PHRF1: variants seen among roughly 807,000 people sequenced by gnomAD.
The protein encoded by PHRF1 is PHD and ring finger domains 1.
Under a neutral mutation model 128.9 loss-of-function variants are expected in PHRF1, and 53 were observed. That is an observed-to-expected ratio of 0.41 (90% CI 0.33 to 0.52). The LOEUF (loss-of-function observed/expected upper bound fraction) is 0.52. Among genes scored for constraint, PHRF1 ranks in the 20% least tolerant of loss-of-function variants. PHRF1 has a pLI of 0.21. For missense variants in PHRF1, 2,503 were observed against 2,284.5 expected (o/e 1.10, Z -1.95); for synonymous variants, 1,178 against 980.6 (o/e 1.20, Z -3.76).
At chr11:588,081 A>G (rs1333197956) in intron 4 of PHRF1, among the ~76,000 whole-genome samples, 2 of 152,112 alleles carry the variant, frequency 1.3e-5, no homozygotes, top group African/African-American at 2.4e-5. Flanking sequence ...CAGCTCCGAC[A>G]CCACTACCTC....
At position 609,146 on chromosome 11, in the gene PHRF1, G is replaced by A. The variant is rs1035163484; in HGVS notation, c.3690G>A (p.Pro1230=). 25 of 1,606,262 alleles carry A rather than the reference G, an allele frequency of 1.6e-5. No individual in the cohort carries two copies. The highest frequency in any genetic ancestry group is 1.2e-4 in the African/African-American group (9 of 74,918). ...LPALGEAHVS[P]EVATADKAPL... is the part of the protein sequence containing the mutation. Reference sequence around the variant, plus strand: ...CCTTGGGGGAAGCACATGTCTCGCCGGAGGTGGCTACGGCCGACAAGGCCC... The same window carrying A: ...CCTTGGGGGAAGCACATGTCTCGCCAGAGGTGGCTACGGCCGACAAGGCCC... The change falls in exon 14 of 18, where the codon CCG becomes CCA. Residue 1230 remains proline (P), a synonymous_variant. Coordinates refer to ENST00000264555, the MANE Select transcript of PHRF1 (RefSeq NM_001286581.2).
rs578018380 is a variant in PHRF1 at position 609,506 on chromosome 11, C to T, written c.4050C>T (p.Asp1350=). Residue 1350 remains aspartate (D), a synonymous_variant, in exon 14 of 18, where the codon GAC becomes GAT. Transcript: ENST00000264555. ...AGGAGCCACATTTGCTCAGGCCGGA[C>T]GCGGCTGAGAAGGCTGAGGCACCCA... ...GTQEPHLLRP[D]AAEKAEAPSS... 107 of 1,603,210 alleles carry T rather than the reference C, an allele frequency of 6.7e-5. 1 individual carries two copies. The highest frequency in any genetic ancestry group is 3.3e-4 in the Middle Eastern group (2 of 6,056).
intron 12 of PHRF1, 61 bp downstream of exon 12, chr11:605,785 T>C: frequency 6.5e-7 from 1 of 1,539,564 alleles, no homozygotes; most frequent in Non-Finnish European, 8.7e-7. Context: ...GGATGGGAGT[T>C]CTAGGGTGGG....
At chr11:585,520 T>A (rs61877834) in intron 3 of PHRF1, among the ~76,000 whole-genome samples, 1,226 of 118,158 alleles carry the variant, frequency 0.01, no homozygotes, top group African/African-American at 0.023. Context: ...TCTTTCCAGC[T>A]TGAGGTAGTA....
intron 2 of PHRF1, 97 bp from the exon 3 acceptor site, chr11:581,865 G>A: frequency 6.9e-7 from 1 of 1,449,228 alleles, no homozygotes; most frequent in Non-Finnish European, 9.1e-7. Flanking sequence ...CCGTTTGGCA[G>A]GTGCTCCTGA....
chr11:601,762 G>C, intron 10 of PHRF1, 61 bp downstream of exon 10: 1 of 1,603,698 alleles, frequency 6.2e-7, no homozygotes, highest in Non-Finnish European at 8.5e-7. Flanking sequence ...GCGTGGTTAC[G>C]GAGCAGGGCC....
In PHRF1 at chr11:581,933, T is replaced by C. The variant is rs771475320; in HGVS notation, c.95-29T>C. Reference sequence around the variant, plus strand: ...CTGCTGCATGGTCTTGACGCCGCCCTGCGGCCTGTGTCTCACCCTGGTGTC... The same window carrying C: ...CTGCTGCATGGTCTTGACGCCGCCCCGCGGCCTGTGTCTCACCCTGGTGTC... On this transcript the variant is annotated intron_variant, in intron 2 of 17. Transcript: ENST00000264555. 48 of 1,560,704 alleles carry C rather than the reference T, an allele frequency of 3.1e-5. No individual in the cohort carries two copies. The Admixed American group carries it at 6.4e-4, about 21-fold the overall frequency.
Position 609,607 on chromosome 11 carries a change from C to T in PHRF1, c.4151C>T (p.Pro1384Leu), listed in dbSNP as rs1856225856. 4 of 1,590,814 alleles carry T rather than the reference C, an allele frequency of 2.5e-6. No homozygotes were observed. Among genetic ancestry groups the T allele is most frequent in the South Asian group, 1.1e-5 (1 of 87,748 alleles). Reference sequence around the variant, plus strand: ...GGGAGGGTACAGGAGGCAGCCCGGCCTGAGGAGGTGGTTTCGCAGACCCCC... The same window carrying T: ...GGGAGGGTACAGGAGGCAGCCCGGCTTGAGGAGGTGGTTTCGCAGACCCCC... ...ASGRVQEAAR[P>L]EEVVSQTPLL... is the part of the protein sequence containing the mutation. Residue 1384 changes from proline to leucine, a missense_variant, in exon 14 of 18, where the codon CCT (proline) becomes CTT (leucine). By Grantham distance (98) the Pro-to-Leu change is moderately conservative. Coordinates refer to ENST00000264555, the MANE Select transcript of PHRF1 (RefSeq NM_001286581.2).
intron 10 of PHRF1, among the ~76,000 whole-genome samples, chr11:603,127 T>G (rs1335038074): frequency 6.6e-6 from 1 of 152,080 alleles, no homozygotes; most frequent in Non-Finnish European, 1.5e-5. Flanking sequence ...CAATCCCAGC[T>G]CACTGCAGCC....
intron 17 of PHRF1, 131 bp from the exon 18 acceptor site, chr11:611,503 G>A (rs7941547): frequency 0.27 from 357,284 of 1,322,826 alleles, 52,915 homozygotes; most frequent in African/African-American, 0.52. Flanking sequence ...CTCTGCCGCC[G>A]TCTGTCTGCG....
Position 610,778 on chromosome 11 carries a change from C to T in PHRF1, c.4677+17C>T, listed in dbSNP as rs772137419. On this transcript the variant is annotated intron_variant, in intron 16 of 17. Coordinates refer to ENST00000264555, the MANE Select transcript of PHRF1 (RefSeq NM_001286581.2). Reference sequence around the variant, plus strand: ...AAGGAGGAGGTGAGTCCTGCCTCCTCCCACTTTCCCCATGTTCCCATCTTA... The same window carrying T: ...AAGGAGGAGGTGAGTCCTGCCTCCTTCCACTTTCCCCATGTTCCCATCTTA... The T allele has an allele frequency of 1.3e-6, 2 of 1,596,814 alleles. No homozygotes were observed. The highest frequency in any genetic ancestry group is 1.7e-6 in the Non-Finnish European group (2 of 1,176,056).
chr11:581,940 T>C (rs759262491), intron 2 of PHRF1, 22 bp from the exon 3 acceptor site: 5 of 1,570,958 alleles, frequency 3.2e-6, no homozygotes, highest in South Asian at 1.2e-5. Context: ...CCCTGCGGCC[T>C]GTGTCTCACC....
rs1426334336 is a variant in PHRF1 at position 597,397 on chromosome 11, G to T, written c.721G>T (p.Ala241Ser). 1.2e-6 allele frequency: 2 copies of T among 1,611,586 alleles called. No homozygotes were observed. Among genetic ancestry groups the T allele is most frequent in the Admixed American group, 3.3e-5 (2 of 59,862 alleles). Residue 241 changes from alanine to serine, a missense_variant and splice_region_variant, in exon 8 of 18, where the codon GCG becomes TCG. Transcript: ENST00000264555. This position sits in a 1 kb window ranked among gnomAD's most constrained non-coding sequence, Gnocchi z 6.5. ...TCAGCCCTGGTGGTTCTTCCCAGATGCGGGTCCCGTGAGTGAGGAGGAGGT... is the reference window on the plus strand; with the variant it reads ...TCAGCCCTGGTGGTTCTTCCCAGATTCGGGTCCCGTGAGTGAGGAGGAGGT... ...AAPGVVLAAD[A>S]GPVSEEEVSL...
Position 597,444 on chromosome 11 carries a change from G to A in PHRF1, c.768G>A (p.Val256=), listed in dbSNP as rs1018914571. The stretch of plus-strand genomic sequence containing the variant: ...AGGTCTCCCTGCTCTTGGCTGATGT[G>A]GTGCCCACCACCAGCAGGCTTCGGC... The part of the protein sequence containing the change: ...EEEVSLLLAD[V]VPTTSRLRPR... The change falls in exon 8 of 18, where the codon GTG becomes GTA. Residue 256 remains valine, a synonymous_variant. Coordinates refer to ENST00000264555, the MANE Select transcript of PHRF1 (RefSeq NM_001286581.2). The surrounding 1 kb of genome is among the most constrained non-coding windows in gnomAD (Gnocchi z 6.5). 1.2e-6 allele frequency: 2 copies of A among 1,612,898 alleles called. No homozygotes were observed. The highest frequency in any genetic ancestry group is 2.7e-5 in the African/African-American group (2 of 74,902).
intron 6 of PHRF1, among the ~76,000 whole-genome samples, chr11:594,535 G>A (rs73396324): frequency 0.011 from 1,636 of 152,320 alleles, 25 homozygotes; most frequent in African/African-American, 0.037. Flanking sequence ...TCTGCAGCGA[G>A]TCACTGCAAC....
intron 1 of PHRF1, among the ~76,000 whole-genome samples, chr11:580,825 A>G (rs565727909): frequency 6.6e-6 from 1 of 152,250 alleles, no homozygotes; most frequent in East Asian, 1.9e-4. Flanking sequence ...AGTAGCTGGG[A>G]TTACAGGCGC....
chr11:579,243 C>G (rs553940916), intron 1 of PHRF1, among the ~76,000 whole-genome samples: 1 of 151,638 alleles, frequency 6.6e-6, no homozygotes, highest in African/African-American at 2.4e-5. Flanking sequence ...CTCCTCCCCC[C>G]AGCCCTGCTC....
At chr11:606,380 TG>T (rs1206432895) in intron 12 of PHRF1, 61 bp from the exon 13 acceptor site, 1 of 1,482,656 alleles carries the variant, frequency 6.7e-7, no homozygotes, top group East Asian at 2.5e-5. Flanking sequence ...GGGCTCTGCC[TG>T]GGTGCGGGCC....
chr11:601,215 C>T (rs1855604340), intron 9 of PHRF1, among the ~76,000 whole-genome samples: 1 of 152,020 alleles, frequency 6.6e-6, no homozygotes, highest in African/African-American at 2.4e-5. Context: ...GAGGCTGAGG[C>T]AGGAGGATCG....
Sources: gnomAD v4.1 joint callset for allele counts (sites outside exome capture counted in the v4.1 genomes callset) on GRCh38, gnomAD v4.1.1 for gene constraint, Gnocchi (gnomAD v3.1) non-coding constraint, MANE v1.5 for transcripts, NCBI Gene and HGNC (gene_info 2026-07-23, HGNC 2026-07-21) for gene names.